Variants in TYW1 observed in about 807,000 individuals in gnomAD.
The protein encoded by TYW1 is tRNA-yW synthesizing protein 1 homolog.
In TYW1, 46 loss-of-function variants were observed where a neutral mutation model predicts 96.2. The observed-to-expected ratio is 0.48, with a 90% confidence interval of 0.38 to 0.61. TYW1 has a LOEUF of 0.61. Among genes scored for constraint, TYW1 ranks in the 20% least tolerant of loss-of-function variants. The pLI is 0.00. For synonymous variants in TYW1, 274 were observed against 323.0 expected (o/e 0.85, Z 1.63); for missense variants, 684 against 909.6 (o/e 0.75, Z 3.19).
intron 13 of TYW1, among the ~76,000 whole-genome samples, chr7:67,145,150 CTTTTTTTT>C (rs201330239): frequency 7.0e-5 from 8 of 115,026 alleles, no homozygotes; most frequent in Admixed American, 2.8e-4. Flanking sequence ...GTTTTAGTTT[CTTTTTTTT>C]TTTTTTTTTG....
intron 15 of TYW1, among the ~76,000 whole-genome samples, chr7:67,209,641 C>T (rs1405717535): frequency 6.6e-6 from 1 of 152,078 alleles, no homozygotes; most frequent in Non-Finnish European, 1.5e-5. Context: ...GGCGCGATCT[C>T]AGCTCGCTGC....
At chr7:67,142,451 C>G (rs530754606) in intron 13 of TYW1, among the ~76,000 whole-genome samples, 1 of 151,740 alleles carries the variant, frequency 6.6e-6, no homozygotes, top group Admixed American at 6.6e-5. Flanking sequence ...TTTTTCGAGA[C>G]AGAGCCTCGC....
chr7:67,205,266 C>T (rs1437540219), intron 15 of TYW1, among the ~76,000 whole-genome samples: 5 of 152,104 alleles, frequency 3.3e-5, no homozygotes. Flanking sequence ...CTTGTTACTG[C>T]CAAGTAGGGG....
intron 15 of TYW1, among the ~76,000 whole-genome samples, chr7:67,198,402 T>A (rs1381707515): frequency 6.6e-6 from 1 of 151,640 alleles, no homozygotes; most frequent in Non-Finnish European, 1.5e-5. Flanking sequence ...AATACTAAAA[T>A]TAGCGGGGTG....
chr7:67,102,611 T>C (rs7787691), intron 12 of TYW1, among the ~76,000 whole-genome samples: 44,695 of 151,914 alleles, frequency 0.29, 7,351 homozygotes, highest in African/African-American at 0.44. Flanking sequence ...TCAGGAATCA[T>C]CAAGAAAGAA....
intron 10 of TYW1, among the ~76,000 whole-genome samples, chr7:67,077,245 C>T (rs1274168655): frequency 6.6e-5 from 10 of 152,250 alleles, no homozygotes; most frequent in African/African-American, 2.2e-4. Context: ...GATTTCCTTT[C>T]CTTTGGATGT....
chr7:67,072,557 C>T (rs1287343430), intron 10 of TYW1, among the ~76,000 whole-genome samples: 1 of 152,018 alleles, frequency 6.6e-6, no homozygotes, highest in Non-Finnish European at 1.5e-5. Flanking sequence ...CCTCTCTACC[C>T]ACTTTTAAAA....
intron 15 of TYW1, among the ~76,000 whole-genome samples, chr7:67,196,337 G>A (rs1300154471): frequency 1.3e-5 from 2 of 152,084 alleles, no homozygotes. Context: ...CTGGAAGTGA[G>A]TTGTTTTATG....
rs185916169 is a variant in TYW1 at position 67,199,076 on chromosome 7, A to G, written c.1977+3739A>G. Among the ~76,000 whole-genome samples the G allele has an allele frequency of 2.0e-5, 3 of 152,272 alleles. No individual in the cohort carries two copies. The East Asian group carries it at 5.8e-4, about 29-fold the overall frequency. Reference sequence around the variant, plus strand: ...CCTAGGCGTGATGGCATGAACCTGTAGTCCCAGCTACTTAGGGGACTAAGG... The same window carrying G: ...CCTAGGCGTGATGGCATGAACCTGTGGTCCCAGCTACTTAGGGGACTAAGG... On this transcript the variant is annotated intron_variant, in intron 15 of 15. Coordinates refer to ENST00000359626, the MANE Select transcript of TYW1 (RefSeq NM_018264.4).
At chr7:67,035,957 G>C (rs975611783) in intron 7 of TYW1, among the ~76,000 whole-genome samples, 1 of 150,740 alleles carries the variant, frequency 6.6e-6, no homozygotes, top group African/African-American at 2.4e-5. Context: ...GATTACAGGC[G>C]TGAGCCACTG....
chr7:67,098,035 C>G (rs1796974267), intron 11 of TYW1, among the ~76,000 whole-genome samples: 1 of 152,042 alleles, frequency 6.6e-6, no homozygotes, highest in East Asian at 1.9e-4. Context: ...TCAGGTGATT[C>G]CAGTATGAAG....
At chr7:67,222,210 G>T (rs1233699483) in intron 15 of TYW1, among the ~76,000 whole-genome samples, 1 of 151,622 alleles carries the variant, frequency 6.6e-6, no homozygotes, top group Non-Finnish European at 1.5e-5. Flanking sequence ...AAAATAAAAA[G>T]AAAAGAAAAA....
chr7:67,019,684 G>A (rs1794171095), intron 6 of TYW1, among the ~76,000 whole-genome samples: 1 of 152,290 alleles, frequency 6.6e-6, no homozygotes, highest in Admixed American at 6.5e-5. Flanking sequence ...AATGAGGGCA[G>A]CTGTCTCAGA....
intron 13 of TYW1, among the ~76,000 whole-genome samples, chr7:67,119,677 ACT>A (rs1797702483): frequency 6.6e-6 from 1 of 152,092 alleles, no homozygotes; most frequent in African/African-American, 2.4e-5. Flanking sequence ...ATTAAAAAAC[ACT>A]GTTTTTCTTC....
At chr7:67,228,711 A>G (rs1313854195) in intron 15 of TYW1, among the ~76,000 whole-genome samples, 1 of 152,168 alleles carries the variant, frequency 6.6e-6, no homozygotes, top group South Asian at 2.1e-4. Context: ...GTGTAGAACT[A>G]TGAGACCTTT....
chr7:67,173,082 A>G (rs1318992992), intron 13 of TYW1, among the ~76,000 whole-genome samples: 1 of 152,226 alleles, frequency 6.6e-6, no homozygotes, highest in African/African-American at 2.4e-5. Context: ...ACACAATACC[A>G]TTATCACTCC....
intron 10 of TYW1, among the ~76,000 whole-genome samples, chr7:67,074,638 A>G (rs1445344034): frequency 6.6e-6 from 1 of 152,228 alleles, no homozygotes; most frequent in Admixed American, 6.5e-5. Flanking sequence ...TATAACAAGA[A>G]TGTCAGAAAA....
intron 12 of TYW1, among the ~76,000 whole-genome samples, chr7:67,108,625 A>C (rs2115918795): frequency 1.3e-5 from 2 of 151,584 alleles, no homozygotes; most frequent in South Asian, 4.2e-4. Flanking sequence ...ATTTTCTGAG[A>C]GAAACGGGGT....
intron 12 of TYW1, among the ~76,000 whole-genome samples, chr7:67,102,841 C>CG (rs34166887): frequency 2.0e-4 from 30 of 151,488 alleles, no homozygotes; most frequent in East Asian, 1.4e-3. Flanking sequence ...TTAGTAGAGA[C>CG]GGGTTTCACC....
Sources: allele counts gnomAD v4.1 joint callset (sites outside exome capture counted in the v4.1 genomes callset), GRCh38; gene constraint gnomAD v4.1.1; transcripts MANE v1.5; gene names NCBI Gene and HGNC (gene_info 2026-07-23, HGNC 2026-07-21).